The following ARHGAP42 variants were observed in gnomAD, a reference collection of about 807,000 sequenced individuals.
ARHGAP42 encodes the protein rho GTPase-activating protein 42.
A neutral mutation model predicts 125.0 loss-of-function variants in ARHGAP42; 63 were observed. The ratio of observed to expected loss-of-function variants is 0.50; its 90% CI spans 0.41 to 0.62. The LOEUF (loss-of-function observed/expected upper bound fraction) is 0.62, where lower values mean the gene tolerates loss of function less well. Among genes scored for constraint, ARHGAP42 ranks in the 20% least tolerant of loss-of-function variants. ARHGAP42 has a pLI of 0.00. For synonymous variants in ARHGAP42, 339 were observed against 351.0 expected, an observed-to-expected ratio of 0.97 and a Z score of 0.38; for missense variants, 766 against 1,024.2, an observed-to-expected ratio of 0.75 and a Z score of 3.44.
At chr11:100,840,453 A>C (rs1032026504) in intron 3 of ARHGAP42, 3 of 152,318 alleles carry the variant, frequency 2.0e-5, no homozygotes, top group Admixed American at 6.5e-5. Context: ...TTCAATGAGT[A>C]AAATATGTAA....
At position 100,861,257 on chromosome 11, in the gene ARHGAP42, G is replaced by A. The variant is rs369628893; in HGVS notation, c.384+1632G>A. On this transcript the variant is annotated intron_variant, in intron 4 of 23. Transcript: ENST00000298815. ...GGAATGAATGAAGGTTTTCTTGGTC[G>A]GGGAGGGAAGAGCCTGGCATTTTAG... Among the ~76,000 whole-genome samples the A allele has an allele frequency of 5.8e-4, 89 of 152,274 alleles. No individual in the cohort carries two copies. The South Asian group carries it at 0.017, about 29-fold the overall frequency.
At chr11:100,987,627 A>G (rs1213547255) in intron 23 of ARHGAP42, 35 bp downstream of exon 23, 1 of 1,528,736 alleles carries the variant, frequency 6.5e-7, no homozygotes, top group Non-Finnish European at 8.9e-7. Flanking sequence ...TAAGTTTGTC[A>G]TCATGGGGAG....
intron 7 of ARHGAP42, 136 bp from the exon 8 acceptor site, chr11:100,936,067 G>A (rs982515110): frequency 1.9e-6 from 2 of 1,057,666 alleles, no homozygotes; most frequent in African/African-American, 1.6e-5. Context: ...AGGCTGCAGT[G>A]AGCCATAATT....
intron 12 of ARHGAP42, among the ~76,000 whole-genome samples, chr11:100,956,671 T>C (rs1303501001): frequency 2.0e-5 from 3 of 152,140 alleles, no homozygotes. Context: ...TCTGTTTAGC[T>C]CTAGTGAGAG....
intron 4 of ARHGAP42, among the ~76,000 whole-genome samples, chr11:100,910,901 C>T (rs1866894445): frequency 6.6e-6 from 1 of 151,892 alleles, no homozygotes; most frequent in African/African-American, 2.4e-5. Flanking sequence ...GAATAAGAGT[C>T]CAGGAAGTGG....
Position 100,784,810 on chromosome 11 carries a change from G to A in ARHGAP42, c.251-10295G>A, listed in dbSNP as rs76167666. Among the ~76,000 whole-genome samples, 809 of 152,262 alleles carry A rather than the reference G, an allele frequency of 5.3e-3. 15 individuals are homozygous for A. The highest frequency in any genetic ancestry group is 0.043 in the East Asian group (225 of 5,186). ...TCAGCTAATTTGGATTCAAAATTTAGTGCTACAAGTCATTAGTTCTATGAC... is the reference window on the plus strand; with the variant it reads ...TCAGCTAATTTGGATTCAAAATTTAATGCTACAAGTCATTAGTTCTATGAC... On this transcript the variant is annotated intron_variant, in intron 2 of 23. Coordinates refer to ENST00000298815, the MANE Select transcript of ARHGAP42 (RefSeq NM_152432.4).
At chr11:100,963,187 A>G (rs2135302637) in intron 16 of ARHGAP42, among the ~76,000 whole-genome samples, 1 of 152,362 alleles carries the variant, frequency 6.6e-6, no homozygotes, top group East Asian at 1.9e-4. Context: ...TTTGGCAGAC[A>G]GCAGGTGCTT....
intron 1 of ARHGAP42, among the ~76,000 whole-genome samples, chr11:100,737,437 T>C (rs1477750667): frequency 6.6e-6 from 1 of 152,224 alleles, no homozygotes; most frequent in East Asian, 1.9e-4. Context: ...TCGTTGTTGT[T>C]GTTGTTGTTT....
At chr11:100,782,102 G>A (rs548926018) in intron 2 of ARHGAP42, among the ~76,000 whole-genome samples, 2 of 152,178 alleles carry the variant, frequency 1.3e-5, no homozygotes, top group Non-Finnish European at 2.9e-5. Flanking sequence ...AAACCAGGAT[G>A]TGATATCCTC....
chr11:100,865,205 C>A (rs187154945), intron 4 of ARHGAP42, among the ~76,000 whole-genome samples: 60 of 152,224 alleles, frequency 3.9e-4, no homozygotes, highest in African/African-American at 1.3e-3. Context: ...TGTCTCTGAA[C>A]ATTCGTTTAT....
At chr11:100,970,744 C>T (rs138947701) in intron 17 of ARHGAP42, among the ~76,000 whole-genome samples, 2 of 152,116 alleles carry the variant, frequency 1.3e-5, no homozygotes, top group Non-Finnish European at 2.9e-5. Context: ...TTGCTCTTGG[C>T]ACTGGCTGAG....
chr11:100,735,411 A>G (rs1862045441), intron 1 of ARHGAP42, among the ~76,000 whole-genome samples: 1 of 151,978 alleles, frequency 6.6e-6, no homozygotes, highest in African/African-American at 2.4e-5. Flanking sequence ...ACTTTAAGTC[A>G]TTTTCTGTTT....
At position 100,992,880 on chromosome 11, in the gene ARHGAP42, G is replaced by A. The variant is rs79700319; in HGVS notation, c.*4079G>A. On this transcript the variant is annotated 3_prime_UTR_variant, in exon 24 of 24. Coordinates refer to ENST00000298815, the MANE Select transcript of ARHGAP42 (RefSeq NM_152432.4). ...ATTACAAGGTGTCTGTGGTTTAGGG[G>A]GCCCAGCCCATCATTCCTTTTCCCC... 30,083 of 653,820 alleles carry A rather than the reference G, an allele frequency of 0.046. 1,100 individuals are homozygous for A. Among genetic ancestry groups the A allele is most frequent in the East Asian group, 0.15 (5,115 of 33,438 alleles). 40.5% of individuals were successfully genotyped at this position (653,820 alleles called of 1,614,324 possible).
chr11:100,869,375 G>C (rs1865647392), intron 4 of ARHGAP42, among the ~76,000 whole-genome samples: 1 of 150,314 alleles, frequency 6.7e-6, no homozygotes, highest in Non-Finnish European at 1.5e-5. Flanking sequence ...TACTATCCCT[G>C]CATCCTTTAA....
chr11:100,785,175 G>C (rs1310724391), intron 2 of ARHGAP42, among the ~76,000 whole-genome samples: 1 of 152,068 alleles, frequency 6.6e-6, no homozygotes, highest in Non-Finnish European at 1.5e-5. Flanking sequence ...TGAGATTAGA[G>C]GCTTACTGTG....
chr11:100,918,579 A>G (rs1867143406), intron 5 of ARHGAP42, among the ~76,000 whole-genome samples: 1 of 152,234 alleles, frequency 6.6e-6, no homozygotes, highest in African/African-American at 2.4e-5. Context: ...ATATAGTACC[A>G]GTTGCTAGTG....
chr11:100,887,967 C>T (rs879763458), intron 4 of ARHGAP42, among the ~76,000 whole-genome samples: 1 of 152,214 alleles, frequency 6.6e-6, no homozygotes, highest in African/African-American at 2.4e-5. Context: ...TCTATCCAAT[C>T]CCGCTTCTGG....
At chr11:100,692,645 A>G (rs1861210484) in intron 1 of ARHGAP42, among the ~76,000 whole-genome samples, 2 of 152,136 alleles carry the variant, frequency 1.3e-5, no homozygotes. Context: ...GTGATCCATG[A>G]CCCAAATGAA....
chr11:100,799,172 G>A (rs910966140), intron 3 of ARHGAP42, among the ~76,000 whole-genome samples: 18 of 152,332 alleles, frequency 1.2e-4, no homozygotes, highest in African/African-American at 4.1e-4. Context: ...ATTAAAGTAC[G>A]ATTCAGGTGA....
Sources: allele counts gnomAD v4.1 joint callset (sites outside exome capture counted in the v4.1 genomes callset), GRCh38; gene constraint gnomAD v4.1.1; transcripts MANE v1.5; gene names NCBI Gene and HGNC (gene_info 2026-07-23, HGNC 2026-07-21).